BACH2: variants seen among roughly 807,000 people sequenced by gnomAD.
The protein encoded by BACH2 is BACH transcriptional regulator 2.
A neutral mutation model predicts 61.8 loss-of-function variants in BACH2; 5 were observed. The observed-to-expected ratio is 0.08, with a 90% CI of 0.04 to 0.17. The LOEUF is 0.17. BACH2 is among the 10% of genes least tolerant of loss of function. The pLI, the probability that BACH2 is intolerant of heterozygous loss-of-function variation, is 1.00. For synonymous variants in BACH2, 446 were observed against 440.1 expected, an observed-to-expected ratio of 1.01 and a Z score of -0.17; for missense variants, 824 against 1,091.1, an observed-to-expected ratio of 0.76 and a Z score of 3.45.
chr6:90,098,969 G>C (rs191341171), intron 4 of BACH2, among the ~76,000 whole-genome samples: 3 of 152,166 alleles, frequency 2.0e-5, no homozygotes, highest in Non-Finnish European at 1.5e-5. Context: ...TTTTCAATTG[G>C]CAATCTTGGA....
At chr6:90,213,524 G>A (rs1769427052) in intron 3 of BACH2, among the ~76,000 whole-genome samples, 1 of 152,174 alleles carries the variant, frequency 6.6e-6, no homozygotes. Flanking sequence ...CCAGGGAGAA[G>A]AGTAGGCAAA....
chr6:90,281,583 T>C (rs1212772613), intron 1 of BACH2, among the ~76,000 whole-genome samples: 2 of 152,162 alleles, frequency 1.3e-5, no homozygotes, highest in Non-Finnish European at 2.9e-5. Context: ...ATTTTCTTTA[T>C]AGTTTTACCA....
intron 4 of BACH2, among the ~76,000 whole-genome samples, chr6:90,143,724 A>G (rs1379701001): frequency 6.6e-6 from 1 of 152,102 alleles, no homozygotes; most frequent in African/African-American, 2.4e-5. Flanking sequence ...AAACAGCTGA[A>G]ACGTCAGCTC....
intron 6 of BACH2, among the ~76,000 whole-genome samples, chr6:90,004,720 T>C (rs1777315361): frequency 6.6e-6 from 1 of 152,218 alleles, no homozygotes; most frequent in Non-Finnish European, 1.5e-5. Flanking sequence ...CCTCCATGAC[T>C]ATAGCTAAGG....
intron 4 of BACH2, among the ~76,000 whole-genome samples, chr6:90,196,346 T>A (rs944488237): frequency 2.6e-5 from 4 of 152,214 alleles, no homozygotes; most frequent in African/African-American, 9.6e-5. Flanking sequence ...ATTATTCCTT[T>A]GTGTATCAGG....
chr6:90,251,061 A>G (rs181832187), intron 3 of BACH2, among the ~76,000 whole-genome samples: 437 of 152,342 alleles, frequency 2.9e-3, no homozygotes, highest in Non-Finnish European at 4.9e-3. Context: ...CTAACTCCAT[A>G]CAAAAAGTTT....
At chr6:90,089,192 ACT>A (rs1285556778) in intron 4 of BACH2, 83 bp from the exon 5 acceptor site, 1 of 151,552 alleles carries the variant, frequency 6.6e-6, no homozygotes, top group Non-Finnish European at 1.5e-5. Flanking sequence ...ATCTCGCCAT[ACT>A]CCGTTCTGCT....
At chr6:90,159,977 T>C (rs1016443910) in intron 4 of BACH2, among the ~76,000 whole-genome samples, 2 of 152,212 alleles carry the variant, frequency 1.3e-5, no homozygotes, top group African/African-American at 4.8e-5. Context: ...CAACGAGCTT[T>C]CAAAGTATGT....
chr6:90,036,481 C>T (rs1306291936), intron 5 of BACH2, among the ~76,000 whole-genome samples: 2 of 152,134 alleles, frequency 1.3e-5, no homozygotes, highest in Non-Finnish European at 2.9e-5. Context: ...ATATTATGAA[C>T]AATTTCAAAT....
chr6:90,222,617 G>C (rs575359271), intron 3 of BACH2, among the ~76,000 whole-genome samples: 2 of 152,312 alleles, frequency 1.3e-5, no homozygotes, highest in East Asian at 3.9e-4. Context: ...GCAGTAGAAT[G>C]CAGTGTCACT....
intron 3 of BACH2, among the ~76,000 whole-genome samples, chr6:90,234,366 T>A (rs1770194680): frequency 6.6e-6 from 1 of 152,238 alleles, no homozygotes; most frequent in South Asian, 2.1e-4. Flanking sequence ...ACAGTAGGGC[T>A]GTGAGTTGAC....
At chr6:90,051,882 TATC>T (rs1404981250) in intron 5 of BACH2, among the ~76,000 whole-genome samples, 6 of 152,220 alleles carry the variant, frequency 3.9e-5, no homozygotes, top group African/African-American at 1.2e-4. Flanking sequence ...CAAGTTGATA[TATC>T]ATATTTTCAT....
At chr6:90,020,665 A>G (rs1441502258) in intron 5 of BACH2, among the ~76,000 whole-genome samples, 2 of 151,576 alleles carry the variant, frequency 1.3e-5, no homozygotes, top group Non-Finnish European at 2.9e-5. Context: ...GTGCTCTTCT[A>G]TGAACTCCCT....
chr6:90,147,616 G>A (rs1024467377), intron 4 of BACH2, among the ~76,000 whole-genome samples: 2 of 152,114 alleles, frequency 1.3e-5, no homozygotes, highest in Non-Finnish European at 2.9e-5. Context: ...TAGGAAATGT[G>A]CTATGATCAA....
chr6:89,974,264 C>T (rs1775527337), intron 6 of BACH2, among the ~76,000 whole-genome samples: 1 of 152,190 alleles, frequency 6.6e-6, no homozygotes, highest in Non-Finnish European at 1.5e-5. Context: ...TAATTAACCT[C>T]TCCTGCTCCA....
At position 89,951,102 on chromosome 6, in the gene BACH2, A is replaced by G. The variant is rs145918737; in HGVS notation, c.1004T>C (p.Val335Ala). 7.6e-5 allele frequency: 123 copies of G among 1,612,472 alleles called. No individual in the cohort carries two copies. The highest frequency in any genetic ancestry group is 1.0e-4 in the Non-Finnish European group (121 of 1,179,404). The change falls in exon 7 of 9, where the codon GTG becomes GCG. Residue 335 changes from valine to alanine, a missense_variant. Physicochemically the swap from Val to Ala is moderately conservative, Grantham distance 64. Coordinates refer to ENST00000257749, the MANE Select transcript of BACH2 (RefSeq NM_021813.4). The surrounding 1 kb of genome is among the most constrained non-coding windows in gnomAD (Gnocchi z 6.4). ...GAACLERSRS[V>A]ASPSCLRSLF... Reference sequence around the variant, plus strand: ...AGACCTTAAGCAGGAGGGCGAGGCCACGCTCCTGGATCTCTCCAGGCAGGC... The same window carrying G: ...AGACCTTAAGCAGGAGGGCGAGGCCGCGCTCCTGGATCTCTCCAGGCAGGC...
intron 6 of BACH2, among the ~76,000 whole-genome samples, chr6:89,991,792 C>A (rs1487929757): frequency 6.6e-6 from 1 of 151,900 alleles, no homozygotes; most frequent in African/African-American, 2.4e-5. Context: ...TAATCTAGGG[C>A]AATCCCCCCA....
At chr6:90,077,400 A>G (rs773499612) in intron 5 of BACH2, among the ~76,000 whole-genome samples, 1 of 152,148 alleles carries the variant, frequency 6.6e-6, no homozygotes, top group Non-Finnish European at 1.5e-5. Flanking sequence ...GCATTCTTCC[A>G]TTTCGTTAAC....
chr6:90,065,415 T>C (rs564990291), intron 5 of BACH2, among the ~76,000 whole-genome samples: 184 of 150,576 alleles, frequency 1.2e-3, no homozygotes, highest in African/African-American at 3.8e-3. Context: ...CATCCTAGAA[T>C]GGGGGGTAAC....
Sources: allele counts gnomAD v4.1 joint callset (sites outside exome capture counted in the v4.1 genomes callset), GRCh38; gene constraint gnomAD v4.1.1; non-coding constraint Gnocchi (gnomAD v3.1); transcripts MANE v1.5; gene names NCBI Gene and HGNC (gene_info 2026-07-23, HGNC 2026-07-21).